Variants in RPS3A observed in about 807,000 individuals in gnomAD.
RPS3A encodes the protein ribosomal protein S3A, also known as small ribosomal subunit protein eS1.
Under a neutral mutation model 26.4 loss-of-function variants are expected in RPS3A, and 1 was observed. The ratio of observed to expected loss-of-function variants is 0.04; its 90% CI spans 0.01 to 0.18. The LOEUF (loss-of-function observed/expected upper bound fraction) is 0.18. Among genes scored for constraint, RPS3A ranks in the 10% least tolerant of loss-of-function variants. RPS3A has a pLI of 1.00. For missense variants in RPS3A, 139 were observed against 326.8 expected, an observed-to-expected ratio of 0.43 and a Z score of 4.43; for synonymous variants, 97 against 106.1, an observed-to-expected ratio of 0.91 and a Z score of 0.53.
Position 151,104,286 on chromosome 4 carries a change from T to C in RPS3A, c.673T>C (p.Leu225=). The C allele has an allele frequency of 6.2e-7, 1 of 1,612,972 alleles. No homozygotes were observed. Among genetic ancestry groups the C allele is most frequent in the East Asian group, 2.2e-5 (1 of 44,878 alleles). Residue 225 remains leucine (L), a splice_region_variant and synonymous_variant, in exon 5 of 6, where the codon TTG becomes CTG. Coordinates refer to ENST00000274065, the MANE Select transcript of RPS3A (RefSeq NM_001006.5). The part of the protein sequence containing the change: ...VKMLKKPKFE[L]GKLMELHGEG... ...AATGCTGAAGAAGCCCAAGTTTGAA[T>C]GTAAGTGAGAAATCACATGATTCCT...
intron 1 of RPS3A, among the ~76,000 whole-genome samples, chr4:151,100,190 G>A (rs1220405150): frequency 6.6e-6 from 1 of 152,206 alleles, no homozygotes; most frequent in East Asian, 1.9e-4. Flanking sequence ...GAGATTGCAT[G>A]TTACTCGTGC....
chr4:151,100,863 A>G (rs1747087366), intron 2 of RPS3A, 112 bp from the exon 3 acceptor site: 3 of 731,622 alleles, frequency 4.1e-6, no homozygotes, highest in African/African-American at 1.8e-5. Context: ...TTGATAACAA[A>G]GGTTAAGGTC....
intron 3 of RPS3A, chr4:151,102,245 G>T: frequency 3.8e-6 from 1 of 262,464 alleles, no homozygotes; most frequent in South Asian, 3.2e-5. Flanking sequence ...TGCAAACAAG[G>T]TAAATCAGTT....
intron 2 of RPS3A, 113 bp from the exon 3 acceptor site, chr4:151,100,862 A>C (rs1333216199): frequency 1.6e-5 from 12 of 731,136 alleles, no homozygotes; most frequent in Admixed American, 2.8e-5. Context: ...TTTGATAACA[A>C]AGGTTAAGGT....
chr4:151,102,948 A>G lies in RPS3A; in HGVS notation c.432A>G (p.Lys144=), dbSNP rs1438088992. 1 of 1,610,902 alleles carries G rather than the reference A, an allele frequency of 6.2e-7. No individual in the cohort carries two copies. Among genetic ancestry groups the G allele is most frequent in the African/African-American group, 1.3e-5 (1 of 74,908 alleles). The part of the protein sequence containing the change: ...LLRLFCVGFT[K]KRNNQIRKTS... ...GTCTGTTCTGTGTTGGTTTTACTAA[A>G]AAACGCAACAATCAGATACGGAAGA... Residue 144 remains lysine, a synonymous_variant, in exon 4 of 6, where the codon AAA becomes AAG. Coordinates refer to ENST00000274065, the MANE Select transcript of RPS3A (RefSeq NM_001006.5).
In RPS3A at chr4:151,103,998, A is replaced by C. The variant is rs926395968; in HGVS notation, c.564-179A>C. ...ACTAGCTAGCTATGTAATTCAGATC[A>C]TCTATCCTTTACATGTGAAAGGTAA... On this transcript the variant is annotated intron_variant, in intron 4 of 5. Coordinates refer to ENST00000274065, the MANE Select transcript of RPS3A (RefSeq NM_001006.5). 23 of 1,508,336 alleles carry C rather than the reference A, an allele frequency of 1.5e-5. No individual in the cohort carries two copies. In the Admixed American group the frequency reaches 5.2e-4, roughly 34 times the overall value. 93.4% of individuals were successfully genotyped at this position (1,508,336 alleles called of 1,614,324 possible). A position where few individuals can be genotyped will look rare whatever the true frequency, so the allele number is the denominator to read the frequency against.
intron 4 of RPS3A, chr4:151,103,415 A>C (rs1348342297): frequency 7.3e-6 from 5 of 684,796 alleles, no homozygotes; most frequent in Non-Finnish European, 9.3e-6. Context: ...CACCATACCC[A>C]GCTAATTTTT....
At chr4:151,101,199 G>A in intron 3 of RPS3A, 37 bp downstream of exon 3, 11 of 1,383,154 alleles carry the variant, frequency 8.0e-6, no homozygotes, top group Non-Finnish European at 1.0e-5. Context: ...TTGTGCTATG[G>A]GTGTTTGACC....
At chr4:151,099,883 G>A in intron 1 of RPS3A, 169 bp downstream of exon 1, 1 of 759,008 alleles carries the variant, frequency 1.3e-6, no homozygotes, top group South Asian at 1.5e-5. Context: ...GTTGAGTAGC[G>A]GCAGGTCGGC....
chr4:151,100,663 G>C (rs1441938090), intron 2 of RPS3A, 75 bp downstream of exon 2: 1 of 899,770 alleles, frequency 1.1e-6, no homozygotes, highest in African/African-American at 1.7e-5. Context: ...TTGGTCTGTT[G>C]TTGGTCCTGT....
At chr4:151,103,803 C>T (rs773140182) in intron 4 of RPS3A, 6 of 1,353,806 alleles carry the variant, frequency 4.4e-6, no homozygotes, top group South Asian at 2.3e-5. Flanking sequence ...TAGACAAAAC[C>T]TTTCATGATT....
chr4:151,100,514 A>C lies in RPS3A; in HGVS notation c.92A>C (p.Tyr31Ser). 6.2e-7 allele frequency: 1 copy of C among 1,604,212 alleles called. No homozygotes were observed. Among genetic ancestry groups the C allele is most frequent in the South Asian group, 1.1e-5 (1 of 90,846 alleles). The stretch of plus-strand genomic sequence containing the variant: ...GATCCATTTTCTAAGAAAGATTGGT[A>C]TGATGTGAAAGCACCTGCTATGTTC... The part of the protein sequence containing the change: ...VVDPFSKKDW[Y>S]DVKAPAMFNI... The change falls in exon 2 of 6, where the codon TAT becomes TCT. Residue 31 changes from tyrosine (Y) to serine (S), a missense_variant. By Grantham distance (144) the Tyr-to-Ser change is moderately radical. Transcript: ENST00000274065.
intron 3 of RPS3A, chr4:151,102,613 A>G (rs980775518): frequency 2.2e-6 from 1 of 464,464 alleles, no homozygotes; most frequent in African/African-American, 2.0e-5. Context: ...CCGTCAAGAT[A>G]GTGGTAGTGT....
At chr4:151,104,442 T>TG in intron 5 of RPS3A, 30 bp from the exon 6 acceptor site, 3 of 1,229,464 alleles carry the variant, frequency 2.4e-6, no homozygotes, top group Non-Finnish European at 3.1e-6. Context: ...TTTTTTGGTT[T>TG]TTTTTTTTTT....
chr4:151,103,806 T>C, intron 4 of RPS3A: 1 of 1,356,600 alleles, frequency 7.4e-7, no homozygotes, highest in Non-Finnish European at 9.8e-7. Flanking sequence ...ACAAAACCTT[T>C]CATGATTAAT....
chr4:151,103,150 A>G lies in RPS3A; in HGVS notation c.563+71A>G. 4.6e-6 allele frequency: 7 copies of G among 1,528,204 alleles called. No individual in the cohort carries two copies. In the South Asian group the frequency reaches 6.2e-5, roughly 13 times the overall value. The allele number at this position is 1,528,204 out of a possible 1,614,324, so 94.7% of individuals were successfully genotyped here. ...GATTATTCCTGAGATGAGAGAACGC[A>G]TATGAGACAAGGTAAAGGTCTGTTG... On this transcript the variant is annotated intron_variant, in intron 4 of 5. Transcript: ENST00000274065.
intron 2 of RPS3A, 116 bp from the exon 3 acceptor site, chr4:151,100,859 A>T: frequency 1.4e-6 from 1 of 716,778 alleles, no homozygotes; most frequent in South Asian, 1.9e-5. Flanking sequence ...AGATTTGATA[A>T]CAAAGGTTAA....
chr4:151,100,728 T>C (rs1747081824), intron 2 of RPS3A, 140 bp downstream of exon 2: 2 of 649,488 alleles, frequency 3.1e-6, no homozygotes, highest in African/African-American at 3.7e-5. Context: ...GCACCTGTGG[T>C]GATCATTTTT....
chr4:151,104,440 T>TTTTTTTTTTG, intron 5 of RPS3A, 32 bp from the exon 6 acceptor site: 1 of 835,380 alleles, frequency 1.2e-6, no homozygotes, highest in South Asian at 3.2e-5. Context: ...AGTTTTTTGG[T>TTTTTTTTTTG]TTTTTTTTTT....
Sources: allele counts gnomAD v4.1 joint callset (sites outside exome capture counted in the v4.1 genomes callset), GRCh38; gene constraint gnomAD v4.1.1; transcripts MANE v1.5; gene names NCBI Gene and HGNC (gene_info 2026-07-23, HGNC 2026-07-21).